C7: variants seen among roughly 807,000 people sequenced by gnomAD.
The protein encoded by C7 is complement C7, also known as complement component C7.
C7 carries 83 observed loss-of-function variants against 104.8 expected under a neutral mutation model. The ratio of observed to expected loss-of-function variants is 0.79; its 90% CI spans 0.66 to 0.95. The LOEUF is 0.95. C7 is among the 40% of genes least tolerant of loss of function. The pLI, the probability that C7 is intolerant of heterozygous loss-of-function variation, is 0.00. For synonymous variants in C7, 415 were observed against 360.6 expected (o/e 1.15, Z -1.71); for missense variants, 1,070 against 1,011.2 (o/e 1.06, Z -0.79).
At chr5:40,955,088 T>C (rs1470873118) in intron 9 of C7, among the ~76,000 whole-genome samples, 3 of 152,144 alleles carry the variant, frequency 2.0e-5, no homozygotes, top group South Asian at 2.1e-4. Flanking sequence ...TGAACCTACA[T>C]TGACACATTG....
intron 1 of C7, among the ~76,000 whole-genome samples, chr5:40,918,700 T>C (rs10045336): frequency 6.7e-6 from 1 of 149,108 alleles, no homozygotes; most frequent in African/African-American, 2.5e-5. Flanking sequence ...AAAAAAAAAG[T>C]AAGGACATTA....
chr5:40,957,829 G>A (rs574337484), intron 10 of C7, among the ~76,000 whole-genome samples: 3 of 149,668 alleles, frequency 2.0e-5, no homozygotes, highest in East Asian at 3.9e-4. Flanking sequence ...CCTCCCCCAT[G>A]TGACCCTAAT....
At position 40,979,751 on chromosome 5, in the gene C7, A is replaced by T; in HGVS notation, c.2192A>T (p.Asp731Val). 1 of 1,613,440 alleles carries T rather than the reference A, an allele frequency of 6.2e-7. No homozygotes were observed. Among genetic ancestry groups the T allele is most frequent in the Non-Finnish European group, 8.5e-7 (1 of 1,179,572 alleles). Reference protein sequence around the residue: ...CGPSLDVCAQDERSKRILPLT... With the variant: ...CGPSLDVCAQVERSKRILPLT... ...CCTTCCTTGGATGTATGTGCTCAAG[A>T]TGAGAGAAGCAAAAGGATACTGCCT... The change falls in exon 17 of 18, where the codon GAT becomes GTT. Residue 731 changes from aspartate to valine, a missense_variant. Physicochemically the swap from Asp to Val is radical, Grantham distance 152. Coordinates refer to ENST00000313164, the MANE Select transcript of C7 (RefSeq NM_000587.4).
chr5:40,964,656 T>A, intron 13 of C7, 85 bp from the exon 14 acceptor site: 1 of 1,215,884 alleles, frequency 8.2e-7, no homozygotes, highest in Non-Finnish European at 1.2e-6. Context: ...TGATTATGAT[T>A]TATAGACTGA....
chr5:40,979,895 G>C lies in C7; in HGVS notation c.2336G>C (p.Trp779Ser). Residue 779 changes from tryptophan to serine, a missense_variant, in exon 17 of 18, where the codon TGG (tryptophan) becomes TCG (serine). Physicochemically the swap from Trp to Ser is radical, Grantham distance 177. Transcript: ENST00000313164. ...AAAGCTTGTGGTGCCTGCCCACTGT[G>C]GGGAAAATGTGATGGTAAGGGGCCT... is the stretch of plus-strand genomic sequence containing the variant. The part of the protein sequence containing the change: ...AEKACGACPL[W>S]GKCDAESSKC... 6.3e-7 allele frequency: 1 copy of C among 1,587,618 alleles called. No individual in the cohort carries two copies. The highest frequency in any genetic ancestry group is 8.6e-7 in the Non-Finnish European group (1 of 1,163,580).
In C7 at chr5:40,955,431, G is replaced by A. The variant is rs1038370285; in HGVS notation, c.1138G>A (p.Gly380Arg). 1.9e-6 allele frequency: 3 copies of A among 1,612,450 alleles called. No homozygotes were observed. The highest frequency in any genetic ancestry group is 2.5e-6 in the Non-Finnish European group (3 of 1,179,222). The change falls in exon 10 of 18, where the codon GGA becomes AGA. Residue 380 changes from glycine (G) to arginine (R), a missense_variant. Physicochemically the swap from Gly to Arg is moderately radical, Grantham distance 125 (BLOSUM62 -2). Coordinates refer to ENST00000313164, the MANE Select transcript of C7 (RefSeq NM_000587.4). ...GCGAGGAGAACCGTTCATCAGAGGGGGAGGTGCAGGCTTCATATCTGGCCT... is the reference window on the plus strand; with the variant it reads ...GCGAGGAGAACCGTTCATCAGAGGGAGAGGTGCAGGCTTCATATCTGGCCT... The part of the protein sequence containing the change: ...VLRGEPFIRG[G>R]GAGFISGLSY...
chr5:40,974,387 G>GTTTT (rs34725318), intron 15 of C7, among the ~76,000 whole-genome samples: 22 of 138,162 alleles, frequency 1.6e-4, no homozygotes, highest in African/African-American at 5.9e-4. Flanking sequence ...TAATTCTATC[G>GTTTT]TTTTTTTTTT....
At chr5:40,921,299 G>A (rs942281200) in intron 1 of C7, among the ~76,000 whole-genome samples, 5 of 151,900 alleles carry the variant, frequency 3.3e-5, no homozygotes, top group East Asian at 1.9e-4. Flanking sequence ...ACTGATGAAC[G>A]TAATTTAAGA....
At chr5:40,945,101 G>C in intron 6 of C7, 97 bp from the exon 7 acceptor site, 2 of 665,866 alleles carry the variant, frequency 3.0e-6, no homozygotes, top group East Asian at 5.8e-5. Flanking sequence ...TGCCAATGAA[G>C]AGCTTTTCTC....
At chr5:40,980,781 G>C (rs1033926968) in intron 17 of C7, among the ~76,000 whole-genome samples, 1 of 152,192 alleles carries the variant, frequency 6.6e-6, no homozygotes, top group Non-Finnish European at 1.5e-5. Flanking sequence ...TTGCAGCACA[G>C]ACTGATGACA....
In C7 at chr5:40,962,139, A is replaced by C; in HGVS notation, c.1716A>C (p.Pro572=). Residue 572 remains proline, a synonymous_variant, in exon 13 of 18, where the codon CCA becomes CCC. Transcript: ENST00000313164. ...PLSLVPTEFC[P]SPPALKDGFV... Reference sequence around the variant, plus strand: ...CTTTGGTTCCAACAGAATTCTGTCCATCACCTCCTGCCTTGAAAGATGGAT... The same window carrying C: ...CTTTGGTTCCAACAGAATTCTGTCCCTCACCTCCTGCCTTGAAAGATGGAT... 1.3e-6 allele frequency: 2 copies of C among 1,571,346 alleles called. No individual in the cohort carries two copies. Among genetic ancestry groups the C allele is most frequent in the South Asian group, 1.2e-5 (1 of 83,232 alleles).
chr5:40,929,864 C>T (rs1739641740), intron 2 of C7, among the ~76,000 whole-genome samples: 1 of 152,106 alleles, frequency 6.6e-6, no homozygotes, highest in South Asian at 2.1e-4. Context: ...AATTCCTGTC[C>T]ATTCAGCCTC....
chr5:40,967,758 C>A (rs1332843937), intron 14 of C7: 1 of 173,540 alleles, frequency 5.8e-6, no homozygotes, highest in Non-Finnish European at 1.2e-5. Context: ...CTTTAACAAA[C>A]CCCATCCTGT....
intron 1 of C7, among the ~76,000 whole-genome samples, chr5:40,919,326 T>C (rs558291821): frequency 1.8e-3 from 268 of 152,180 alleles, no homozygotes; most frequent in African/African-American, 6.0e-3. Flanking sequence ...GGTTTCACCA[T>C]GTTGGCCAGG....
intron 1 of C7, among the ~76,000 whole-genome samples, chr5:40,911,878 A>G (rs1036438688): frequency 2.0e-5 from 3 of 151,400 alleles, no homozygotes; most frequent in African/African-American, 4.9e-5. Flanking sequence ...AGCTGGGGCT[A>G]CAGGCGTGCG....
chr5:40,920,285 A>T (rs1045433964), intron 1 of C7, among the ~76,000 whole-genome samples: 3 of 152,084 alleles, frequency 2.0e-5, no homozygotes, highest in African/African-American at 7.2e-5. Flanking sequence ...TGTCTGGATG[A>T]TCTTCCAGCA....
At chr5:40,957,759 T>G (rs1400172197) in intron 10 of C7, among the ~76,000 whole-genome samples, 5 of 51,448 alleles carry the variant, frequency 9.7e-5, no homozygotes, top group African/African-American at 2.9e-4. Flanking sequence ...CCTGGGCTGG[T>G]TTTTTTTTGT....
intron 14 of C7, among the ~76,000 whole-genome samples, chr5:40,969,426 G>T (rs1211609698): frequency 6.6e-6 from 1 of 152,064 alleles, no homozygotes; most frequent in Non-Finnish European, 1.5e-5. Flanking sequence ...GTTGGAATTT[G>T]GTCAATTCTT....
At position 40,955,458 on chromosome 5, in the gene C7, A is replaced by C. The variant is rs775782476; in HGVS notation, c.1165A>C (p.Ser389Arg). The change falls in exon 10 of 18, where the codon AGT becomes CGT. Residue 389 changes from serine (S) to arginine (R), a missense_variant. Transcript: ENST00000313164. ...GGGAGFISGL[S>R]YLELDNPAGN... ...AGGTGCAGGCTTCATATCTGGCCTT[A>C]GTTACCTAGAGCTGGACAATCCTGC... 4 of 1,613,264 alleles carry C rather than the reference A, an allele frequency of 2.5e-6. No homozygotes were observed. The African/African-American group carries it at 5.3e-5, about 22-fold the overall frequency.
Sources: allele counts gnomAD v4.1 joint callset (sites outside exome capture counted in the v4.1 genomes callset), GRCh38; gene constraint gnomAD v4.1.1; transcripts MANE v1.5; gene names NCBI Gene and HGNC (gene_info 2026-07-23, HGNC 2026-07-21).